Variants in PCSK5 observed in about 807,000 individuals in gnomAD.
PCSK5 encodes prohormone convertase 5.
Under a neutral mutation model 233.2 loss-of-function variants are expected in PCSK5, and 129 were observed. The observed-to-expected ratio is 0.55, with a 90% confidence interval of 0.48 to 0.64. The LOEUF is 0.64. Ranked by LOEUF, PCSK5 falls within the 30% of genes least tolerant of loss-of-function variation. The pLI is 0.00. For synonymous variants in PCSK5, 825 were observed against 879.2 expected, an observed-to-expected ratio of 0.94 and a Z score of 1.09; for missense variants, 2,076 against 2,430.1, an observed-to-expected ratio of 0.85 and a Z score of 3.06.
chr9:75,934,745 C>G (rs1823974625), intron 2 of PCSK5, among the ~76,000 whole-genome samples: 1 of 151,956 alleles, frequency 6.6e-6, no homozygotes. Context: ...CTACCCCTGG[C>G]TAATTTTTGT....
At chr9:76,322,237 A>G (rs1008913086) in intron 31 of PCSK5, among the ~76,000 whole-genome samples, 3 of 152,226 alleles carry the variant, frequency 2.0e-5, no homozygotes, top group African/African-American at 7.2e-5. Context: ...AGCGTGAGGC[A>G]CCACGCCCAG....
At chr9:76,122,486 C>T (rs115909222) in intron 9 of PCSK5, among the ~76,000 whole-genome samples, 2,662 of 152,138 alleles carry the variant, frequency 0.017, 92 homozygotes, top group African/African-American at 0.062. Context: ...CAAACTTTGT[C>T]GCTATTGAGA....
At chr9:75,965,291 G>GTGTGTGGA (rs1563942308) in intron 2 of PCSK5, among the ~76,000 whole-genome samples, 1 of 141,758 alleles carries the variant, frequency 7.1e-6, no homozygotes, top group Non-Finnish European at 1.6e-5. Flanking sequence ...GTGTGTGTGT[G>GTGTGTGGA]GAGAGAGAGA....
intron 35 of PCSK5, among the ~76,000 whole-genome samples, chr9:76,340,414 G>T (rs1829795120): frequency 1.3e-5 from 2 of 152,102 alleles, no homozygotes; most frequent in African/African-American, 2.4e-5. Flanking sequence ...GGGAGGCTGA[G>T]GTGGGCGGAT....
In PCSK5 at chr9:76,339,670, A is replaced by G. The variant is rs575291612; in HGVS notation, c.4966+1223A>G. ...AGCGATTCTCCTGCCTCAGCCTCCT[A>G]AGTAGCTGGGATTACAGACGTGCAC... is the stretch of plus-strand genomic sequence containing the variant. On this transcript the variant is annotated intron_variant, in intron 35 of 37. Transcript: ENST00000674117. Among the ~76,000 whole-genome samples the G allele has an allele frequency of 3.9e-4, 59 of 151,742 alleles. 1 individual carries two copies. The highest frequency in any genetic ancestry group is 2.7e-3 in the South Asian group (13 of 4,788).
At chr9:76,289,790 A>T (rs1049288765) in intron 24 of PCSK5, among the ~76,000 whole-genome samples, 1 of 149,746 alleles carries the variant, frequency 6.7e-6, no homozygotes, top group Non-Finnish European at 1.5e-5. Context: ...AATGAGAAAA[A>T]CTAATGAGCA....
chr9:76,169,753 A>G lies in PCSK5; in HGVS notation c.1669A>G (p.Ile557Val), dbSNP rs372679512. Residue 557 changes from isoleucine to valine, a missense_variant, in exon 13 of 38, where the codon ATT (isoleucine) becomes GTT (valine). Physicochemically the swap from Ile to Val is conservative, Grantham distance 29. This residue lies in a region of PCSK5 where 50 missense variants were observed against 104.7 expected (regional missense o/e 0.48). Coordinates refer to ENST00000674117, the MANE Select transcript of PCSK5 (RefSeq NM_001372043.1). ...ATTCAAAAACTGGGAGTTCATGACC[A>G]TTCATTGCTGGGGAGAAAGAGCTGC... ...EGFKNWEFMT[I>V]HCWGERAAGD... The G allele has an allele frequency of 7.4e-6, 12 of 1,613,422 alleles. No homozygotes were observed. The highest frequency in any genetic ancestry group is 1.1e-5 in the South Asian group (1 of 91,068).
At chr9:76,151,952 T>C (rs1823693102) in intron 10 of PCSK5, among the ~76,000 whole-genome samples, 1 of 152,206 alleles carries the variant, frequency 6.6e-6, no homozygotes, top group Admixed American at 6.5e-5. Context: ...CTGAGTGATA[T>C]AATAATTAAT....
rs761873823 is a variant in PCSK5 at position 76,071,787 on chromosome 9, C to T, written c.783C>T (p.Asn261=). 5.0e-6 allele frequency: 8 copies of T among 1,613,996 alleles called. No homozygotes were observed. Among genetic ancestry groups the T allele is most frequent in the East Asian group, 2.2e-5 (1 of 44,894 alleles). The part of the protein sequence containing the change: ...DMVEAKSVSF[N]PQHVHIYSAS... ...TTGAAGCAAAATCAGTTAGCTTCAA[C>T]CCCCAGCACGTGCACATTTACAGCG... The change falls in exon 7 of 38, where the codon AAC becomes AAT. Residue 261 remains asparagine (N), a synonymous_variant. Transcript: ENST00000674117.
chr9:75,970,634 T>A (rs974139524), intron 2 of PCSK5, among the ~76,000 whole-genome samples: 2 of 152,162 alleles, frequency 1.3e-5, no homozygotes, highest in African/African-American at 2.4e-5. Flanking sequence ...TTATTTATTT[T>A]TTTTGGAGAT....
intron 24 of PCSK5, among the ~76,000 whole-genome samples, chr9:76,274,193 T>A (rs1235477743): frequency 2.0e-5 from 3 of 152,100 alleles, no homozygotes; most frequent in Admixed American, 6.6e-5. Flanking sequence ...TACCTAATTC[T>A]TTTTCTGCTA....
At chr9:76,315,104 C>T (rs1828986523) in intron 30 of PCSK5, among the ~76,000 whole-genome samples, 1 of 152,044 alleles carries the variant, frequency 6.6e-6, no homozygotes, top group Admixed American at 6.6e-5. Context: ...ATGCATCCAT[C>T]ACCACGCCCA....
Position 76,295,323 on chromosome 9 carries a change from G to A in PCSK5, c.3234G>A (p.Glu1078=). ...CCTGTCCTGAGAAGACCTACAGTGA[G>A]GAAGTGGAATGCAAGGCGTGTGATA... The part of the protein sequence containing the change: ...YKTCPEKTYS[E]EVECKACDSN... Residue 1078 remains glutamate (E), a synonymous_variant, in exon 26 of 38, where the codon GAG becomes GAA. Coordinates refer to ENST00000674117, the MANE Select transcript of PCSK5 (RefSeq NM_001372043.1). The A allele has an allele frequency of 1.9e-6, 3 of 1,611,850 alleles. No individual in the cohort carries two copies. The highest frequency in any genetic ancestry group is 2.5e-6 in the Non-Finnish European group (3 of 1,179,044).
At chr9:76,002,912 C>T (rs1305119249) in intron 3 of PCSK5, among the ~76,000 whole-genome samples, 1 of 152,210 alleles carries the variant, frequency 6.6e-6, no homozygotes, top group African/African-American at 2.4e-5. Context: ...GTCCTCAGTT[C>T]AAGTCTAATA....
At chr9:76,291,989 T>G (rs1032185317) in intron 24 of PCSK5, among the ~76,000 whole-genome samples, 5 of 152,164 alleles carry the variant, frequency 3.3e-5, no homozygotes, top group African/African-American at 1.2e-4. Context: ...TTGAACCTAT[T>G]CCTCCTTGAA....
chr9:75,921,566 TTGTGTG>T (rs570109508), intron 1 of PCSK5, among the ~76,000 whole-genome samples: 35 of 149,028 alleles, frequency 2.3e-4, no homozygotes, highest in African/African-American at 6.6e-4. Context: ...TCTATTTCGT[TTGTGTG>T]TGTGTGTGTA....
chr9:76,023,934 C>G, intron 4 of PCSK5, 53 bp downstream of exon 4: 1 of 1,506,562 alleles, frequency 6.6e-7, no homozygotes, highest in Non-Finnish European at 9.0e-7. Context: ...CAGAGAAACT[C>G]ATGTTAGGAT....
intron 24 of PCSK5, among the ~76,000 whole-genome samples, chr9:76,258,823 C>T (rs980459713): frequency 2.6e-5 from 4 of 152,122 alleles, no homozygotes; most frequent in Non-Finnish European, 4.4e-5. Flanking sequence ...AGAGTGAGTA[C>T]GGTCATTTAC....
intron 3 of PCSK5, among the ~76,000 whole-genome samples, chr9:76,022,393 T>C (rs1415820726): frequency 6.6e-6 from 1 of 152,194 alleles, no homozygotes; most frequent in Non-Finnish European, 1.5e-5. Context: ...CTCCATTGTA[T>C]TTAGGGCATA....
Sources: gnomAD v4.1 joint callset for allele counts (sites outside exome capture counted in the v4.1 genomes callset) on GRCh38, gnomAD v4.1.1 for gene constraint, gnomAD v4.1.1 regional missense constraint, MANE v1.5 for transcripts, NCBI Gene and HGNC (gene_info 2026-07-23, HGNC 2026-07-21) for gene names.